EDIL3: variants seen among roughly 807,000 people sequenced by gnomAD.
The protein encoded by EDIL3 is EGF-like repeat and discoidin I-like domain-containing protein 3.
A neutral mutation model predicts 67.4 loss-of-function variants in EDIL3; 37 were observed. The observed-to-expected ratio is 0.55, with a 90% CI of 0.42 to 0.72. The LOEUF is 0.72. Ranked by LOEUF, EDIL3 falls within the 30% of genes least tolerant of loss-of-function variation. EDIL3 has a pLI of 0.00. For synonymous variants in EDIL3, 195 were observed against 196.3 expected (o/e 0.99, Z 0.05); for missense variants, 527 against 586.3 (o/e 0.90, Z 1.04).
intron 1 of EDIL3, among the ~76,000 whole-genome samples, chr5:84,312,055 G>C (rs1028736668): frequency 2.0e-5 from 3 of 152,118 alleles, no homozygotes; most frequent in African/African-American, 7.2e-5. Flanking sequence ...ATCATGGCCC[G>C]TTCTCAATGA....
At chr5:84,106,867 G>C (rs1186753689) in intron 5 of EDIL3, 37 bp from the exon 6 acceptor site, 1 of 1,563,766 alleles carries the variant, frequency 6.4e-7, no homozygotes, top group Non-Finnish European at 8.6e-7. Flanking sequence ...GAATGTATTA[G>C]AAACAATGCA....
intron 10 of EDIL3, 141 bp from the exon 11 acceptor site, chr5:83,943,709 T>G (rs1561380973): frequency 2.3e-6 from 2 of 886,786 alleles, no homozygotes; most frequent in Non-Finnish European, 3.2e-6. Flanking sequence ...TATTGCAGCT[T>G]CTTTTTAATA....
intron 9 of EDIL3, among the ~76,000 whole-genome samples, chr5:84,023,065 A>G (rs1309331848): frequency 6.6e-6 from 1 of 151,992 alleles, no homozygotes; most frequent in East Asian, 1.9e-4. Context: ...GACAAAAATA[A>G]TAACTTATTT....
intron 2 of EDIL3, among the ~76,000 whole-genome samples, chr5:84,247,170 G>A (rs1353744682): frequency 6.6e-6 from 1 of 152,034 alleles, no homozygotes; most frequent in Non-Finnish European, 1.5e-5. Context: ...TAGAAAAATG[G>A]ATTCAATCAT....
At chr5:84,001,276 A>G (rs1250838002) in intron 9 of EDIL3, among the ~76,000 whole-genome samples, 1 of 152,032 alleles carries the variant, frequency 6.6e-6, no homozygotes, top group Non-Finnish European at 1.5e-5. Context: ...CTCAAACTTC[A>G]GACCTCAGGT....
At chr5:83,962,827 C>T (rs1744627222) in intron 10 of EDIL3, among the ~76,000 whole-genome samples, 1 of 151,360 alleles carries the variant, frequency 6.6e-6, no homozygotes, top group South Asian at 2.1e-4. Context: ...TATCTAACAT[C>T]AGGAATTTAT....
chr5:83,989,893 G>T (rs566184849), intron 9 of EDIL3, among the ~76,000 whole-genome samples: 26 of 152,292 alleles, frequency 1.7e-4, no homozygotes, highest in Admixed American at 9.8e-4. Flanking sequence ...ACATGGCAAA[G>T]AACTGTGAGT....
chr5:84,215,663 G>C (rs1471475777), intron 3 of EDIL3, among the ~76,000 whole-genome samples: 1 of 152,214 alleles, frequency 6.6e-6, no homozygotes, highest in Non-Finnish European at 1.5e-5. Flanking sequence ...GCCTCTCTGA[G>C]AATGCACCTT....
intron 9 of EDIL3, among the ~76,000 whole-genome samples, chr5:84,002,477 G>A (rs1745348318): frequency 6.6e-6 from 1 of 152,140 alleles, no homozygotes; most frequent in Admixed American, 6.5e-5. Context: ...GCATCCAAAT[G>A]GGAAGGAAGA....
intron 2 of EDIL3, among the ~76,000 whole-genome samples, chr5:84,248,275 C>T (rs1744950356): frequency 6.6e-6 from 1 of 152,158 alleles, no homozygotes; most frequent in Non-Finnish European, 1.5e-5. Flanking sequence ...AAATGCTTAT[C>T]TTGCTTAACT....
intron 9 of EDIL3, among the ~76,000 whole-genome samples, chr5:84,007,120 C>G (rs879568349): frequency 5.9e-5 from 9 of 152,024 alleles, no homozygotes; most frequent in Admixed American, 2.6e-4. Context: ...CTCTTGCCAT[C>G]TACAAAAATA....
At chr5:84,013,098 G>A (rs983330366) in intron 9 of EDIL3, among the ~76,000 whole-genome samples, 1 of 151,670 alleles carries the variant, frequency 6.6e-6, no homozygotes, top group African/African-American at 2.4e-5. Flanking sequence ...TTTCAAACAA[G>A]GATTTTACAC....
At chr5:84,111,930 G>A (rs1238441012) in intron 5 of EDIL3, among the ~76,000 whole-genome samples, 3 of 152,222 alleles carry the variant, frequency 2.0e-5, no homozygotes, top group South Asian at 2.1e-4. Flanking sequence ...TTGGGGCTCT[G>A]GGAATGATTC....
chr5:84,243,820 G>T (rs1258487816), intron 2 of EDIL3, among the ~76,000 whole-genome samples: 3 of 152,018 alleles, frequency 2.0e-5, no homozygotes, highest in African/African-American at 4.8e-5. Context: ...TCATAGCTTG[G>T]TTAATTTTAT....
At chr5:84,332,296 C>T (rs746538787) in intron 1 of EDIL3, among the ~76,000 whole-genome samples, 22 of 152,146 alleles carry the variant, frequency 1.4e-4, no homozygotes, top group Admixed American at 3.9e-4. Flanking sequence ...CACTTGAGCG[C>T]GGGGGTTGGA....
At chr5:84,350,621 A>T (rs1435951926) in intron 1 of EDIL3, among the ~76,000 whole-genome samples, 1 of 152,152 alleles carries the variant, frequency 6.6e-6, no homozygotes, top group Non-Finnish European at 1.5e-5. Context: ...GCATTCTATT[A>T]TCTAGCTTTT....
At chr5:84,169,960 C>G (rs1748784493) in intron 4 of EDIL3, among the ~76,000 whole-genome samples, 1 of 152,106 alleles carries the variant, frequency 6.6e-6, no homozygotes, top group African/African-American at 2.4e-5. Flanking sequence ...TTTTCATCAT[C>G]TTTTTCTCCA....
chr5:84,302,312 T>G (rs1463483281), intron 1 of EDIL3, among the ~76,000 whole-genome samples: 1 of 152,142 alleles, frequency 6.6e-6, no homozygotes, highest in East Asian at 1.9e-4. Flanking sequence ...TTATTATTAT[T>G]TTGAGACAGA....
chr5:84,162,965 C>G (rs1197753202), intron 4 of EDIL3, among the ~76,000 whole-genome samples: 2 of 152,112 alleles, frequency 1.3e-5, no homozygotes, highest in African/African-American at 4.8e-5. Flanking sequence ...GACCTTCCCA[C>G]AGTCCTTTTC....
Sources: allele counts gnomAD v4.1 joint callset (sites outside exome capture counted in the v4.1 genomes callset), GRCh38; gene constraint gnomAD v4.1.1; transcripts MANE v1.5; gene names NCBI Gene and HGNC (gene_info 2026-07-23, HGNC 2026-07-21).